UPF3A: variants seen among roughly 807,000 people sequenced by gnomAD.
UPF3A encodes regulator of nonsense transcripts 3A.
In UPF3A, 42 loss-of-function variants were observed where a neutral mutation model predicts 53.5. The observed-to-expected ratio is 0.78, with a 90% confidence interval of 0.61 to 1.01. The LOEUF (loss-of-function observed/expected upper bound fraction) is 1.01. UPF3A is among the 50% of genes least tolerant of loss of function. The pLI is 0.00. For missense variants in UPF3A, 575 were observed against 598.0 expected (o/e 0.96, Z 0.40); for synonymous variants, 237 against 225.3 (o/e 1.05, Z -0.47).
chr13:114,286,049 T>C, intron 3 of UPF3A: 1 of 458,944 alleles, frequency 2.2e-6, no homozygotes, highest in South Asian at 3.5e-5. Flanking sequence ...TAAATGTTCT[T>C]CTTACCAGGA....
intron 7 of UPF3A, among the ~76,000 whole-genome samples, chr13:114,294,775 A>G (rs1237981709): frequency 1.3e-5 from 2 of 151,546 alleles, no homozygotes; most frequent in African/African-American, 4.9e-5. Context: ...CAGTGAGCTG[A>G]GATCACGCCA....
intron 3 of UPF3A, chr13:114,283,716 A>C (rs1269086035): frequency 1.0e-6 from 1 of 978,220 alleles, no homozygotes; most frequent in East Asian, 1.1e-4. Context: ...CTTCAACTCT[A>C]CTCTCAATAG....
chr13:114,289,563 A>C (rs887559861), intron 5 of UPF3A, among the ~76,000 whole-genome samples: 7 of 151,496 alleles, frequency 4.6e-5, no homozygotes, highest in Non-Finnish European at 8.8e-5. Context: ...TTCATGGCAG[A>C]TTACCTTTTT....
In UPF3A at chr13:114,286,391, A is replaced by G. The variant is rs2084692059; in HGVS notation, c.511A>G (p.Ile171Val). 1.2e-6 allele frequency: 2 copies of G among 1,614,136 alleles called. No individual in the cohort carries two copies. The highest frequency in any genetic ancestry group is 1.7e-6 in the Non-Finnish European group (2 of 1,180,052). The change falls in exon 4 of 10, where the codon ATC becomes GTC. Residue 171 changes from isoleucine to valine, a missense_variant. Transcript: ENST00000375299. The part of the protein sequence containing the change: ...LRKKDAKTGS[I>V]EDDPEYKKFL... Reference sequence around the variant, plus strand: ...AAAAAAAGATGCCAAGACTGGAAGCATCGAAGATGGTGAGCCCTTTCCAAG... The same window carrying G: ...AAAAAAAGATGCCAAGACTGGAAGCGTCGAAGATGGTGAGCCCTTTCCAAG...
At chr13:114,299,314 C>G (rs2086368081) in intron 8 of UPF3A, among the ~76,000 whole-genome samples, 1 of 152,188 alleles carries the variant, frequency 6.6e-6, no homozygotes, top group Non-Finnish European at 1.5e-5. Context: ...CAGGATCTGT[C>G]TTCCCAGTCT....
At chr13:114,304,528 A>G (rs2086869342) in intron 9 of UPF3A, among the ~76,000 whole-genome samples, 1 of 152,196 alleles carries the variant, frequency 6.6e-6, no homozygotes, top group African/African-American at 2.4e-5. Context: ...GGGGGACGTC[A>G]TGATTGTACT....
chr13:114,301,307 C>A (rs138934306), intron 8 of UPF3A, among the ~76,000 whole-genome samples: 4,227 of 151,704 alleles, frequency 0.028, 208 homozygotes, highest in African/African-American at 0.097. Context: ...TAAAAATACA[C>A]AAAAAATTAG....
rs370451114 is a variant in UPF3A, at chr13:114,298,977, C to G, written c.984C>G (p.Gly328=). 1 of 1,603,084 alleles carries G rather than the reference C, an allele frequency of 6.2e-7. No homozygotes were observed. Reference sequence around the variant, plus strand: ...TCGTAAAAGCCAGGCCCATGGAAGGCTCGCTGGAGGAGCCCCAGGAGACGT... The same window carrying G: ...TCGTAAAAGCCAGGCCCATGGAAGGGTCGCTGGAGGAGCCCCAGGAGACGT... ...GAVVKARPME[G]SLEEPQETSH... Residue 328 remains glycine (G), a synonymous_variant, in exon 8 of 10, where the codon GGC becomes GGG. Coordinates refer to ENST00000375299, the MANE Select transcript of UPF3A (RefSeq NM_023011.4).
chr13:114,293,383 TAA>T (rs111799077), intron 7 of UPF3A, among the ~76,000 whole-genome samples: 9 of 145,666 alleles, frequency 6.2e-5, no homozygotes, highest in African/African-American at 2.3e-4. Context: ...GACTCTGTCT[TAA>T]AAAAAAAAAA....
intron 9 of UPF3A, among the ~76,000 whole-genome samples, chr13:114,304,109 CGTGGAGCAG>C (rs1446841688): frequency 3.3e-5 from 5 of 152,198 alleles, no homozygotes; most frequent in Non-Finnish European, 7.4e-5. Context: ...GCGGGAGGCG[CGTGGAGCAG>C]GAGGCTCACG....
In UPF3A at chr13:114,304,782, C is replaced by G; in HGVS notation, c.1303-7C>G. ...TGGAAGAGTAACATGCCCTCTTATC[C>G]TGGCAGGACCGGCCAGCCTTGCAGC... is the stretch of plus-strand genomic sequence containing the variant. On this transcript the variant is annotated splice_region_variant and splice_polypyrimidine_tract_variant and intron_variant, in intron 9 of 9. Coordinates refer to ENST00000375299, the MANE Select transcript of UPF3A (RefSeq NM_023011.4). 2 of 1,613,262 alleles carry G rather than the reference C, an allele frequency of 1.2e-6. No homozygotes were observed. Among genetic ancestry groups the G allele is most frequent in the Non-Finnish European group, 1.7e-6 (2 of 1,179,506 alleles).
Position 114,281,655 on chromosome 13 carries a change from G to C in UPF3A, c.16G>C (p.Glu6Gln), listed in dbSNP as rs970416488. 3 of 1,506,092 alleles carry C rather than the reference G, an allele frequency of 2.0e-6. No individual in the cohort carries two copies. The African/African-American group carries it at 4.3e-5, about 22-fold the overall frequency. The allele number at this position is 1,506,092 out of a possible 1,614,324, so 93.3% of individuals were successfully genotyped here. The change falls in exon 1 of 10, where the codon GAG becomes CAG. Residue 6 changes from glutamate (E) to glutamine (Q), a missense_variant. Physicochemically the swap from Glu to Gln is conservative, Grantham distance 29. Transcript: ENST00000375299. MRSEKEGAGGLRAAVA... is the reference protein window; with the variant it reads MRSEKQGAGGLRAAVA... ...AGAGTGCGGCATGCGCTCGGAAAAG[G>C]AGGGGGCCGGAGGCCTTCGGGCGGC...
Position 114,282,908 on chromosome 13 carries a change from A to T in UPF3A, c.386A>T (p.Asp129Val), listed in dbSNP as rs745412491. The change falls in exon 3 of 10, where the codon GAT (aspartate) becomes GTT (valine). Residue 129 changes from aspartate (D) to valine (V), a missense_variant. Transcript: ENST00000375299. ...CCTGATGACATCCTTCTTTTTAGAGATCGTTTTGATGGATATATCTTCCTT... is the reference window on the plus strand; with the variant it reads ...CCTGATGACATCCTTCTTTTTAGAGTTCGTTTTGATGGATATATCTTCCTT... ...RNPDDILLFRDRFDGYIFLDS... is the reference protein window; with the variant it reads ...RNPDDILLFRVRFDGYIFLDS... 4 of 1,611,774 alleles carry T rather than the reference A, an allele frequency of 2.5e-6. No individual in the cohort carries two copies. Among genetic ancestry groups the T allele is most frequent in the Admixed American group, 1.7e-5 (1 of 59,842 alleles).
rs1426016693 is a variant in UPF3A at position 114,281,844 on chromosome 13, A to G, written c.205A>G (p.Lys69Glu). 7.0e-7 allele frequency: 1 copy of G among 1,434,332 alleles called. No homozygotes were observed. The highest frequency in any genetic ancestry group is 3.3e-5 in the East Asian group (1 of 30,414). The allele number at this position is 1,434,332 out of a possible 1,614,324, so 88.9% of individuals were successfully genotyped here. ...PREEKRTALS[K>E]VVIRRLPPGL... ...CGAGGAGAAGAGGACGGCCCTGAGC[A>G]AGGTGGGGACGGGGGCGGGGCGCGC... Residue 69 changes from lysine to glutamate, a missense_variant and splice_region_variant, in exon 1 of 10, where the codon AAG becomes GAG. Coordinates refer to ENST00000375299, the MANE Select transcript of UPF3A (RefSeq NM_023011.4).
In UPF3A at chr13:114,299,068, G is replaced by A. The variant is rs2086339552; in HGVS notation, c.1007+68G>A. On this transcript the variant is annotated intron_variant, in intron 8 of 9. Transcript: ENST00000375299. Reference sequence around the variant, plus strand: ...ATGGTGACGTAGGCTTTGTCAGTATGAGTATGCCTATTTCACACTGTTCTT... The same window carrying A: ...ATGGTGACGTAGGCTTTGTCAGTATAAGTATGCCTATTTCACACTGTTCTT... 4.2e-6 allele frequency: 6 copies of A among 1,425,860 alleles called. No homozygotes were observed. The African/African-American group carries it at 5.8e-5, about 14-fold the overall frequency. The allele number at this position is 1,425,860 out of a possible 1,614,324, so 88.3% of individuals were successfully genotyped here.
In UPF3A at chr13:114,293,174, A is replaced by G. The variant is rs868100272; in HGVS notation, c.846+1382A>G. On this transcript the variant is annotated intron_variant, in intron 7 of 9. Transcript: ENST00000375299. The stretch of plus-strand genomic sequence containing the variant: ...CGAGGCAGGCGGATTACTTGAGTTC[A>G]GGAGTTTGAGACCAGCTTGGCCAAT... 3.5e-4 allele frequency among the ~76,000 whole-genome samples: 53 copies of G among 151,530 alleles called. No homozygotes were observed. In the Middle Eastern group the frequency reaches 0.01, roughly 29 times the overall value.
At chr13:114,295,442 G>GCTCTGGCCTGCTCCCCAGC (rs1340172230) in intron 7 of UPF3A, among the ~76,000 whole-genome samples, 2 of 46,924 alleles carry the variant, frequency 4.3e-5, no homozygotes, top group African/African-American at 1.9e-4. Context: ...TGGCCTGCTG[G>GCTCTGGCCTGCTCCCCAGC]TTTCTCATGA....
At chr13:114,283,763 T>C in intron 3 of UPF3A, 2 of 985,482 alleles carry the variant, frequency 2.0e-6, no homozygotes, top group Non-Finnish European at 2.4e-6. Context: ...TGCTTTCATC[T>C]TTTTCCTTCT....
intron 5 of UPF3A, 111 bp downstream of exon 5, chr13:114,286,740 C>A: frequency 1.2e-6 from 1 of 830,404 alleles, no homozygotes; most frequent in Non-Finnish European, 1.8e-6. Context: ...TTGTTACAGG[C>A]TTGACAGAAA....
Sources: allele counts gnomAD v4.1 joint callset (sites outside exome capture counted in the v4.1 genomes callset), GRCh38; gene constraint gnomAD v4.1.1; transcripts MANE v1.5; gene names NCBI Gene and HGNC (gene_info 2026-07-23, HGNC 2026-07-21).